Variants in KCNH1 observed in about 807,000 individuals in gnomAD.
The protein encoded by KCNH1 is potassium voltage-gated channel subfamily H member 1.
Under a neutral mutation model 69.2 loss-of-function variants are expected in KCNH1, and 27 were observed. The ratio of observed to expected loss-of-function variants is 0.39; its 90% CI spans 0.29 to 0.54. KCNH1 has a LOEUF of 0.54. Ranked by LOEUF, KCNH1 falls within the 20% of genes least tolerant of loss-of-function variation. The pLI is 0.68. For missense variants in KCNH1, 798 were observed against 1,261.6 expected, an observed-to-expected ratio of 0.63 and a Z score of 5.57; for synonymous variants, 456 against 487.7, an observed-to-expected ratio of 0.93 and a Z score of 0.86.
intron 5 of KCNH1, among the ~76,000 whole-genome samples, chr1:211,067,004 G>A (rs542675953): frequency 4.1e-5 from 6 of 145,448 alleles, no homozygotes; most frequent in South Asian, 2.2e-4. Flanking sequence ...TTCCTCACGG[G>A]GAAGGTTTCA....
intron 7 of KCNH1, among the ~76,000 whole-genome samples, chr1:210,900,567 T>C (rs980996738): frequency 9.2e-5 from 14 of 152,178 alleles, no homozygotes; most frequent in Non-Finnish European, 1.5e-4. Context: ...ACTCTGGGCA[T>C]AGGCAGGGAA....
intron 7 of KCNH1, among the ~76,000 whole-genome samples, chr1:210,913,961 C>G (rs970301125): frequency 2.5e-4 from 38 of 152,112 alleles, no homozygotes; most frequent in African/African-American, 8.9e-4. Context: ...TTTCCCCTTC[C>G]TTTTCTTTCT....
chr1:210,783,841 T>C (rs74156077), intron 9 of KCNH1, among the ~76,000 whole-genome samples: 4,929 of 152,272 alleles, frequency 0.032, 262 homozygotes, highest in African/African-American at 0.11. Flanking sequence ...ACCTGCAACC[T>C]AGCCAATTCA....
intron 9 of KCNH1, among the ~76,000 whole-genome samples, chr1:210,781,552 C>G (rs1410307207): frequency 6.6e-6 from 1 of 152,148 alleles, no homozygotes; most frequent in Non-Finnish European, 1.5e-5. Context: ...AAAAAAACTC[C>G]TTATAAGACA....
chr1:210,684,768 A>G (rs1681371513), intron 10 of KCNH1, among the ~76,000 whole-genome samples: 1 of 152,222 alleles, frequency 6.6e-6, no homozygotes, highest in African/African-American at 2.4e-5. Flanking sequence ...ACAGTAGACT[A>G]ACATCTGTAA....
intron 10 of KCNH1, among the ~76,000 whole-genome samples, chr1:210,751,978 T>C (rs1474836429): frequency 6.6e-6 from 1 of 152,026 alleles, no homozygotes; most frequent in Non-Finnish European, 1.5e-5. Context: ...GAAAACAGAA[T>C]CTGAGCTGGA....
intron 6 of KCNH1, among the ~76,000 whole-genome samples, chr1:210,935,662 T>C (rs1687764063): frequency 6.6e-6 from 1 of 152,226 alleles, no homozygotes; most frequent in Non-Finnish European, 1.5e-5. Flanking sequence ...AAAGAAAACC[T>C]ACCTCACATT....
chr1:210,683,313 C>A lies in KCNH1; in HGVS notation c.2938G>T (p.Glu980Ter). The A allele has an allele frequency of 6.2e-7, 1 of 1,613,964 alleles. No individual in the cohort carries two copies. Among genetic ancestry groups the A allele is most frequent in the Non-Finnish European group, 8.5e-7 (1 of 1,179,976 alleles). The change falls in exon 11 of 11, where the codon GAA becomes TAA. Residue 980 changes from glutamate to a stop codon, truncating the protein, a stop_gained. Coordinates refer to ENST00000271751, the MANE Select transcript of KCNH1 (RefSeq NM_172362.3). LOFTEE classifies it high-confidence loss of function. This position sits in a 1 kb window ranked among gnomAD's most constrained non-coding sequence, Gnocchi z 5.7. ...LFEISRPQSP[E>*]SERDIFGAS ...GCTCCAAAAATGTCTCTCTCTGATT[C>A]TGGGGACTGTGGCCTCGATATTTCA...
rs947151549 is a variant in KCNH1, at chr1:210,683,100, C to T, written c.*181G>A. The T allele has an allele frequency of 2.9e-5, 20 of 688,156 alleles. No homozygotes were observed. The highest frequency in any genetic ancestry group is 1.0e-4 in the East Asian group (4 of 39,896). 42.6% of individuals were successfully genotyped at this position (688,156 alleles called of 1,614,324 possible). ...GCTGCCACCTTGCAGGGTAGGGGCA[C>T]GCTACCCTTCCCATATCTTTTTCCA... On this transcript the variant is annotated 3_prime_UTR_variant, in exon 11 of 11. Coordinates refer to ENST00000271751, the MANE Select transcript of KCNH1 (RefSeq NM_172362.3). This position sits in a 1 kb window ranked among gnomAD's most constrained non-coding sequence, Gnocchi z 5.7.
In KCNH1 at chr1:210,862,126, C is replaced by A. The variant is rs1685992842; in HGVS notation, c.1462+57514G>T. ...TTTCAAATAGATAACACCTGCCTGTCTCACAGGTAAATCCAGCTGTTCCGA... is the reference window on the plus strand; with the variant it reads ...TTTCAAATAGATAACACCTGCCTGTATCACAGGTAAATCCAGCTGTTCCGA... On this transcript the variant is annotated intron_variant, in intron 7 of 10. Transcript: ENST00000271751. The A allele has an allele frequency of 3.1e-6, 4 of 1,285,140 alleles. No homozygotes were observed. In the Admixed American group the frequency reaches 5.1e-5, roughly 16 times the overall value. The allele number at this position is 1,285,140 out of a possible 1,614,324, so 79.6% of individuals were successfully genotyped here. A position where few individuals can be genotyped will look rare whatever the true frequency, so the allele number is the denominator to read the frequency against.
At chr1:210,879,787 A>G (rs1291855934) in intron 7 of KCNH1, among the ~76,000 whole-genome samples, 1 of 152,128 alleles carries the variant, frequency 6.6e-6, no homozygotes, top group Non-Finnish European at 1.5e-5. Flanking sequence ...AGGTATAAAG[A>G]TTGGGAAGAA....
In KCNH1 at chr1:210,833,746, C is replaced by T. The variant is rs1456669032; in HGVS notation, c.1463-29580G>A. Among the ~76,000 whole-genome samples the T allele has an allele frequency of 6.6e-5, 10 of 152,122 alleles. No homozygotes were observed. In the East Asian group the frequency reaches 1.5e-3, roughly 23 times the overall value. On this transcript the variant is annotated intron_variant, in intron 7 of 10. Transcript: ENST00000271751. ...AGAAACTACCATTAGAGTGAACAGGCAACCCACAAAATGGGAGAAAATTTT... is the reference window on the plus strand; with the variant it reads ...AGAAACTACCATTAGAGTGAACAGGTAACCCACAAAATGGGAGAAAATTTT...
intron 10 of KCNH1, among the ~76,000 whole-genome samples, chr1:210,760,672 C>T (rs1355498472): frequency 6.6e-6 from 1 of 152,132 alleles, no homozygotes; most frequent in African/African-American, 2.4e-5. Context: ...GGAGGCCTCA[C>T]GATCATGGCA....
chr1:211,046,913 T>C (rs1342649392), intron 5 of KCNH1, among the ~76,000 whole-genome samples: 1 of 151,902 alleles, frequency 6.6e-6, no homozygotes, highest in Non-Finnish European at 1.5e-5. Flanking sequence ...TACTAACCAA[T>C]GGAAATAAAA....
At chr1:210,974,928 C>T (rs1388098321) in intron 6 of KCNH1, among the ~76,000 whole-genome samples, 1 of 151,944 alleles carries the variant, frequency 6.6e-6, no homozygotes, top group Admixed American at 6.6e-5. Context: ...GTTTTGTACC[C>T]AATACATTAC....
chr1:210,807,925 T>A (rs1289275189), intron 7 of KCNH1, among the ~76,000 whole-genome samples: 1 of 152,146 alleles, frequency 6.6e-6, no homozygotes, highest in South Asian at 2.1e-4. Flanking sequence ...AAGAGAGTTA[T>A]AAACAAGGAT....
At chr1:210,823,986 A>C (rs1417326064) in intron 7 of KCNH1, among the ~76,000 whole-genome samples, 1 of 141,192 alleles carries the variant, frequency 7.1e-6, no homozygotes, top group Non-Finnish European at 1.6e-5. Context: ...GTTGTTGTAG[A>C]GACAAGGTCT....
At chr1:210,991,207 A>C (rs1208113250) in intron 6 of KCNH1, among the ~76,000 whole-genome samples, 1 of 152,242 alleles carries the variant, frequency 6.6e-6, no homozygotes, top group East Asian at 1.9e-4. Context: ...AATCAAGCTA[A>C]GTGTCCATGG....
chr1:210,953,397 C>T (rs987282368), intron 6 of KCNH1, among the ~76,000 whole-genome samples: 1 of 152,180 alleles, frequency 6.6e-6, no homozygotes. Flanking sequence ...ATTAGATATA[C>T]CAAAAGAAGC....
Sources: gnomAD v4.1 joint callset for allele counts (sites outside exome capture counted in the v4.1 genomes callset) on GRCh38, gnomAD v4.1.1 for gene constraint, Gnocchi (gnomAD v3.1) non-coding constraint, MANE v1.5 for transcripts, NCBI Gene and HGNC (gene_info 2026-07-23, HGNC 2026-07-21) for gene names.